Variants in YPEL2 observed in about 807,000 individuals in gnomAD.
The protein encoded by YPEL2 is yippee like 2, also known as protein yippee-like 2.
Under a neutral mutation model 19.1 loss-of-function variants are expected in YPEL2, and 2 were observed. The observed-to-expected ratio is 0.10, with a 90% CI of 0.04 to 0.33. The LOEUF (loss-of-function observed/expected upper bound fraction) is 0.33. Ranked by LOEUF, YPEL2 falls within the 10% of genes least tolerant of loss-of-function variation. The pLI, the probability that YPEL2 is intolerant of heterozygous loss-of-function variation, is 1.00. For synonymous variants in YPEL2, 52 were observed against 50.0 expected (o/e 1.04, Z -0.17); for missense variants, 66 against 140.7 (o/e 0.47, Z 2.68).
intron 2 of YPEL2, among the ~76,000 whole-genome samples, chr17:59,382,576 A>G (rs1349758252): frequency 1.3e-5 from 2 of 152,244 alleles, no homozygotes; most frequent in African/African-American, 2.4e-5. Flanking sequence ...GTGTGCTGCC[A>G]TGTAATATGT....
chr17:59,353,404 G>A lies in YPEL2; in HGVS notation c.-6G>A, dbSNP rs768071374. 2.5e-6 allele frequency: 4 copies of A among 1,576,072 alleles called. No individual in the cohort carries two copies. In the African/African-American group the frequency reaches 5.4e-5, roughly 21 times the overall value. On this transcript the variant is annotated 5_prime_UTR_variant, in exon 2 of 5. Transcript: ENST00000312655. The surrounding 1 kb of genome is among the most constrained non-coding windows in gnomAD (Gnocchi z 4.8). ...CCCAGAGTTCACCCCACACTCAGCA[G>A]CACCAATGGTGAAGATGACAAGATC...
chr17:59,364,344 T>C (rs570514445), intron 2 of YPEL2, among the ~76,000 whole-genome samples: 119 of 152,322 alleles, frequency 7.8e-4, no homozygotes, highest in Non-Finnish European at 1.6e-3. Context: ...AGGGCTGGCA[T>C]CTGGAAGATT....
intron 2 of YPEL2, chr17:59,355,576 TCACCTCCCTCCTCCTA>T (rs908133576): frequency 3.9e-5 from 6 of 152,192 alleles, no homozygotes; most frequent in East Asian, 1.9e-4. Flanking sequence ...CCGTTCTCCT[TCACCTCCCTCCTCCTA>T]CACCTCCCTC....
In YPEL2 at chr17:59,342,522, G is replaced by T. The variant is rs545761317; in HGVS notation, c.-195-10693G>T. ...TTCTTCCTAGATCTTGTAAATGGCTGTTTTTCATTATACTTTAAGTATAGC... is the reference window on the plus strand; with the variant it reads ...TTCTTCCTAGATCTTGTAAATGGCTTTTTTTCATTATACTTTAAGTATAGC... On this transcript the variant is annotated intron_variant, in intron 1 of 4. Transcript: ENST00000312655. 3.9e-5 allele frequency among the ~76,000 whole-genome samples: 6 copies of T among 152,304 alleles called. No individual in the cohort carries two copies. The East Asian group carries it at 1.2e-3, about 29-fold the overall frequency.
intron 4 of YPEL2, 77 bp from the exon 5 acceptor site, chr17:59,397,024 G>A: frequency 9.0e-7 from 1 of 1,117,048 alleles, no homozygotes; most frequent in African/African-American, 1.6e-5. Context: ...GAGTGAGACT[G>A]CCTCAAAAAA....
At chr17:59,376,687 A>G (rs772827403) in intron 2 of YPEL2, among the ~76,000 whole-genome samples, 3 of 152,216 alleles carry the variant, frequency 2.0e-5, no homozygotes, top group Admixed American at 6.5e-5. Flanking sequence ...CATGGTAGTC[A>G]TCATATGAGT....
At chr17:59,364,614 T>C (rs2047859121) in intron 2 of YPEL2, among the ~76,000 whole-genome samples, 1 of 47,228 alleles carries the variant, frequency 2.1e-5, no homozygotes, top group South Asian at 5.2e-4. Flanking sequence ...CTCTGTGTCT[T>C]TTTTTTTTTT....
At chr17:59,386,242 G>A (rs1242264147) in intron 2 of YPEL2, among the ~76,000 whole-genome samples, 2 of 151,482 alleles carry the variant, frequency 1.3e-5, no homozygotes, top group South Asian at 2.1e-4. Flanking sequence ...CAGGAGGATC[G>A]CTTGAGCCCA....
chr17:59,362,210 C>T (rs952324496), intron 2 of YPEL2, among the ~76,000 whole-genome samples: 4 of 151,072 alleles, frequency 2.6e-5, no homozygotes, highest in Admixed American at 6.6e-5. Flanking sequence ...ACATGGTGGT[C>T]ATTCAGCAAA....
At chr17:59,345,900 G>A (rs1453592078) in intron 1 of YPEL2, among the ~76,000 whole-genome samples, 1 of 152,034 alleles carries the variant, frequency 6.6e-6, no homozygotes, top group Non-Finnish European at 1.5e-5. Context: ...CTCCTTTCAG[G>A]CAATTTGCCC....
At chr17:59,332,984 A>G (rs1198425399) in intron 1 of YPEL2, among the ~76,000 whole-genome samples, 1 of 152,228 alleles carries the variant, frequency 6.6e-6, no homozygotes, top group Non-Finnish European at 1.5e-5. Flanking sequence ...AGCATTGGGC[A>G]AGAAGGGTAG....
rs532664593 is a variant in YPEL2, at chr17:59,362,249, A to G, written c.117+8723A>G. Among the ~76,000 whole-genome samples, 160 of 151,972 alleles carry G rather than the reference A, an allele frequency of 1.1e-3. 1 individual carries two copies. The highest frequency in any genetic ancestry group is 2.1e-3 in the South Asian group (10 of 4,812). ...TCATTGACCACTGCTTGGCAAAGAAATAGAAGCATTCTATGGTTTTTTTTT... is the reference window on the plus strand; with the variant it reads ...TCATTGACCACTGCTTGGCAAAGAAGTAGAAGCATTCTATGGTTTTTTTTT... On this transcript the variant is annotated intron_variant, in intron 2 of 4. Transcript: ENST00000312655.
intron 4 of YPEL2, among the ~76,000 whole-genome samples, chr17:59,393,009 G>C (rs529410090): frequency 6.6e-6 from 1 of 152,300 alleles, no homozygotes; most frequent in East Asian, 1.9e-4. Flanking sequence ...TTCTGTAAGT[G>C]ATGGTTCAAT....
intron 1 of YPEL2, among the ~76,000 whole-genome samples, chr17:59,349,655 CTTTTGTTTTG>C (rs200032459): frequency 0.011 from 1,725 of 151,922 alleles, 34 homozygotes; most frequent in African/African-American, 0.039. Context: ...ACAGGCTGGC[CTTTTGTTTTG>C]TTTTGTTTTG....
At chr17:59,381,364 C>T (rs557489514) in intron 2 of YPEL2, among the ~76,000 whole-genome samples, 48 of 152,308 alleles carry the variant, frequency 3.2e-4, no homozygotes, top group Admixed American at 2.4e-3. Flanking sequence ...GATGGTTGAT[C>T]TTCCTAGACA....
intron 2 of YPEL2, among the ~76,000 whole-genome samples, chr17:59,359,926 GTC>G (rs1255895457): frequency 1.3e-5 from 2 of 152,142 alleles, no homozygotes; most frequent in African/African-American, 4.8e-5. Context: ...TTGAGACGGA[GTC>G]TCACTCTGTT....
At chr17:59,351,303 A>G (rs1353845631) in intron 1 of YPEL2, among the ~76,000 whole-genome samples, 1 of 151,940 alleles carries the variant, frequency 6.6e-6, no homozygotes, top group Non-Finnish European at 1.5e-5. Context: ...TGAACCCGGG[A>G]GGCGGAGGTT....
chr17:59,346,178 T>C (rs1468401598), intron 1 of YPEL2, among the ~76,000 whole-genome samples: 2 of 152,210 alleles, frequency 1.3e-5, no homozygotes, highest in Admixed American at 6.5e-5. Flanking sequence ...GCCTCCTCCT[T>C]TCTGCCGCCA....
intron 2 of YPEL2, among the ~76,000 whole-genome samples, chr17:59,368,982 A>T (rs1456790629): frequency 6.6e-6 from 1 of 151,958 alleles, no homozygotes; most frequent in East Asian, 1.9e-4. Flanking sequence ...TCAGCTAAAT[A>T]GCAAGCAGGT....
Sources: gnomAD v4.1 joint callset for allele counts (sites outside exome capture counted in the v4.1 genomes callset) on GRCh38, gnomAD v4.1.1 for gene constraint, Gnocchi (gnomAD v3.1) non-coding constraint, MANE v1.5 for transcripts, NCBI Gene and HGNC (gene_info 2026-07-23, HGNC 2026-07-21) for gene names.